Variants in SNX29 observed in about 807,000 individuals in gnomAD.
The protein encoded by SNX29 is sorting nexin-29.
A neutral mutation model predicts 102.1 loss-of-function variants in SNX29; 78 were observed. The observed-to-expected ratio is 0.76, with a 90% CI of 0.64 to 0.92. The LOEUF (loss-of-function observed/expected upper bound fraction) is 0.92, where lower values mean the gene tolerates loss of function less well. Among genes scored for constraint, SNX29 ranks in the 40% least tolerant of loss-of-function variants. The pLI is 0.00. For synonymous variants in SNX29, 580 were observed against 414.5 expected, an observed-to-expected ratio of 1.40 and a Z score of -4.85; for missense variants, 1,280 against 1,061.7, an observed-to-expected ratio of 1.21 and a Z score of -2.86.
chr16:12,169,051 C>T (rs541800320), intron 13 of SNX29, among the ~76,000 whole-genome samples: 9 of 152,182 alleles, frequency 5.9e-5, no homozygotes, highest in Non-Finnish European at 1.2e-4. Flanking sequence ...GGCCTCACTG[C>T]TGAGGGGTGT....
chr16:12,442,991 C>G (rs1409982034), intron 18 of SNX29: 2 of 455,446 alleles, frequency 4.4e-6, no homozygotes, highest in Non-Finnish European at 8.8e-6. Flanking sequence ...TGATTTTTTT[C>G]CAGCTATTTA....
intron 20 of SNX29, among the ~76,000 whole-genome samples, chr16:12,550,724 T>C (rs991277320): frequency 1.3e-5 from 2 of 152,136 alleles, no homozygotes; most frequent in African/African-American, 4.8e-5. Context: ...TCTACACTCC[T>C]GTGTTGCCTA....
At chr16:12,537,483 G>A (rs1193022061) in intron 20 of SNX29, among the ~76,000 whole-genome samples, 1 of 152,152 alleles carries the variant, frequency 6.6e-6, no homozygotes, top group Non-Finnish European at 1.5e-5. Context: ...TATAAAATTG[G>A]TGATAGTGGC....
At chr16:12,552,868 C>G (rs2078072390) in intron 20 of SNX29, among the ~76,000 whole-genome samples, 1 of 152,162 alleles carries the variant, frequency 6.6e-6, no homozygotes, top group Admixed American at 6.5e-5. Flanking sequence ...GATGGCAGGG[C>G]CTGGGGAGAC....
At chr16:12,391,899 T>C (rs2083543969) in intron 16 of SNX29, among the ~76,000 whole-genome samples, 1 of 152,212 alleles carries the variant, frequency 6.6e-6, no homozygotes, top group South Asian at 2.1e-4. Context: ...GTTGATTTTT[T>C]GAAAGGTTAA....
At chr16:12,220,942 C>T (rs1009163967) in intron 14 of SNX29, among the ~76,000 whole-genome samples, 9 of 152,258 alleles carry the variant, frequency 5.9e-5, no homozygotes, top group Non-Finnish European at 2.9e-5. Context: ...GGTGGTAGCG[C>T]TGCACATTTT....
At chr16:12,348,314 G>T (rs1266885692) in intron 15 of SNX29, among the ~76,000 whole-genome samples, 2 of 152,064 alleles carry the variant, frequency 1.3e-5, no homozygotes, top group Non-Finnish European at 2.9e-5. Context: ...AACCATTTTG[G>T]AGAAGGCTTA....
At chr16:12,143,994 T>G (rs918040349) in intron 13 of SNX29, among the ~76,000 whole-genome samples, 6 of 152,282 alleles carry the variant, frequency 3.9e-5, no homozygotes, top group African/African-American at 1.4e-4. Flanking sequence ...TTCTCAAACC[T>G]TAATGTACCC....
At chr16:12,508,568 C>G (rs2089475657) in intron 19 of SNX29, among the ~76,000 whole-genome samples, 1 of 152,206 alleles carries the variant, frequency 6.6e-6, no homozygotes, top group African/African-American at 2.4e-5. Flanking sequence ...TGCAGCTTCC[C>G]TTAAAAAGCA....
chr16:12,443,058 G>C, intron 18 of SNX29: 2 of 455,878 alleles, frequency 4.4e-6, no homozygotes, highest in Non-Finnish European at 8.8e-6. Flanking sequence ...AGCAGGCCAG[G>C]CGTCCAGCCT....
rs149832361 is a variant in SNX29, at chr16:12,545,158, T to A, written c.2318+20317T>A. ...TAGCACAGCTATGAAGTACAGACAC[T>A]CTGCCAGCCGTCAGAGAAACAAATA... On this transcript the variant is annotated intron_variant, in intron 20 of 20. Transcript: ENST00000566228. 9.3e-4 allele frequency among the ~76,000 whole-genome samples: 141 copies of A among 152,138 alleles called. 4 individuals are homozygous for A. The East Asian group carries it at 0.021, about 23-fold the overall frequency.
chr16:12,050,231 C>T (rs1008641649), intron 7 of SNX29, among the ~76,000 whole-genome samples: 2 of 152,154 alleles, frequency 1.3e-5, no homozygotes, highest in African/African-American at 4.8e-5. Flanking sequence ...CCAGTGAGGC[C>T]TCACCGCATC....
chr16:12,273,373 T>G (rs1371183466), intron 14 of SNX29, among the ~76,000 whole-genome samples: 1 of 152,068 alleles, frequency 6.6e-6, no homozygotes, highest in African/African-American at 2.4e-5. Flanking sequence ...TTTGTTTGTT[T>G]TTGAGATGGA....
Position 12,569,163 on chromosome 16 carries a change from T to A in SNX29, c.*534T>A. ...GGGGGGCATGGTTCCTTTCACTGCA[T>A]TTTCCACCAACAGTCATTAGACACC... On this transcript the variant is annotated 3_prime_UTR_variant, in exon 21 of 21. Coordinates refer to ENST00000566228, the MANE Select transcript of SNX29 (RefSeq NM_032167.5). 5.1e-6 allele frequency: 1 copy of A among 195,688 alleles called. No homozygotes were observed. The highest frequency in any genetic ancestry group is 1.0e-5 in the Non-Finnish European group (1 of 98,068). 12.1% of individuals were successfully genotyped at this position (195,688 alleles called of 1,614,324 possible). A position where few individuals can be genotyped will look rare whatever the true frequency, so the allele number is the denominator to read the frequency against.
chr16:12,417,954 G>A (rs1185731418), intron 18 of SNX29, among the ~76,000 whole-genome samples: 1 of 152,134 alleles, frequency 6.6e-6, no homozygotes, highest in Non-Finnish European at 1.5e-5. Context: ...TCTGTCTTTG[G>A]CCGCAGCATT....
rs1356152115 is a variant in SNX29 at position 12,096,791 on chromosome 16, C to T, written c.1402+17876C>T. ...GGTTATGCAGTACAGCTCCCAACTCCTTACCTGGAAAAAGACCAGTGCTGG... is the reference window on the plus strand; with the variant it reads ...GGTTATGCAGTACAGCTCCCAACTCTTTACCTGGAAAAAGACCAGTGCTGG... On this transcript the variant is annotated intron_variant, in intron 11 of 20. Coordinates refer to ENST00000566228, the MANE Select transcript of SNX29 (RefSeq NM_032167.5). The surrounding 1 kb of genome is among the most constrained non-coding windows in gnomAD (Gnocchi z 4.2). Among the ~76,000 whole-genome samples, 1 of 152,228 alleles carries T rather than the reference C, an allele frequency of 6.6e-6. No homozygotes were observed. Among genetic ancestry groups the T allele is most frequent in the Non-Finnish European group, 1.5e-5 (1 of 68,036 alleles).
At chr16:12,062,844 G>A (rs1036707325) in intron 9 of SNX29, among the ~76,000 whole-genome samples, 1 of 152,178 alleles carries the variant, frequency 6.6e-6, no homozygotes, top group Admixed American at 6.5e-5. Flanking sequence ...GCAGGGCGGG[G>A]ACAGTCACTG....
chr16:12,547,791 G>C (rs934257555), intron 20 of SNX29, among the ~76,000 whole-genome samples: 1 of 152,170 alleles, frequency 6.6e-6, no homozygotes, highest in Non-Finnish European at 1.5e-5. Flanking sequence ...CTACCGAACA[G>C]AATGGGCTCA....
chr16:12,147,569 C>T (rs2055115642), intron 13 of SNX29, among the ~76,000 whole-genome samples: 1 of 152,088 alleles, frequency 6.6e-6, no homozygotes. Context: ...GAGGTGTGGC[C>T]ACTAAGTAAA....
Sources: allele counts gnomAD v4.1 joint callset (sites outside exome capture counted in the v4.1 genomes callset), GRCh38; gene constraint gnomAD v4.1.1; non-coding constraint Gnocchi (gnomAD v3.1); transcripts MANE v1.5; gene names NCBI Gene and HGNC (gene_info 2026-07-23, HGNC 2026-07-21).